ABCC1: variants seen among roughly 807,000 people sequenced by gnomAD.
ABCC1 encodes ATP binding cassette subfamily C member 1 (ABCC1 blood group), also known as multidrug resistance-associated protein 1.
ABCC1 carries 83 observed loss-of-function variants against 172.9 expected under a neutral mutation model. That is an observed-to-expected ratio of 0.48 (90% CI 0.40 to 0.58). The LOEUF (loss-of-function observed/expected upper bound fraction) is 0.58. Ranked by LOEUF, ABCC1 falls within the 20% of genes least tolerant of loss-of-function variation. The pLI is 0.00. For missense variants in ABCC1, 1,817 were observed against 2,002.7 expected (o/e 0.91, Z 1.77); for synonymous variants, 937 against 825.2 (o/e 1.14, Z -2.32).
chr16:16,118,333 C>G (rs1043483545), intron 23 of ABCC1, among the ~76,000 whole-genome samples: 10 of 151,692 alleles, frequency 6.6e-5, no homozygotes, highest in African/African-American at 2.4e-4. Context: ...ACACTGTGGC[C>G]CAATGATTGA....
intron 1 of ABCC1, among the ~76,000 whole-genome samples, chr16:15,967,419 T>C (rs1182838776): frequency 6.6e-6 from 1 of 151,852 alleles, no homozygotes; most frequent in Admixed American, 6.6e-5. Context: ...TGTGGGGAGA[T>C]TCATTCTGCA....
At chr16:16,136,774 C>A in intron 29 of ABCC1, 130 bp downstream of exon 29, 1 of 1,052,528 alleles carries the variant, frequency 9.5e-7, no homozygotes, top group Non-Finnish European at 1.3e-6. Flanking sequence ...GTCCCTTCAC[C>A]TCTTGGAGCC....
At chr16:16,004,175 G>A (rs12922588) in intron 1 of ABCC1, among the ~76,000 whole-genome samples, 75,520 of 151,876 alleles carry the variant, frequency 0.5, 19,657 homozygotes, top group Non-Finnish European at 0.59. Flanking sequence ...TGGCTGTAGC[G>A]GGGAGGACTC....
At chr16:16,036,409 C>T in intron 6 of ABCC1, 63 bp from the exon 7 acceptor site, 4 of 1,525,974 alleles carry the variant, frequency 2.6e-6, no homozygotes, top group South Asian at 2.4e-5. Flanking sequence ...TGAGTGAGCC[C>T]CGTCCTCCCC....
chr16:16,073,307 A>T (rs188989242), intron 14 of ABCC1, among the ~76,000 whole-genome samples: 236 of 152,302 alleles, frequency 1.5e-3, no homozygotes, highest in African/African-American at 5.2e-3. Flanking sequence ...GGTAGAGTCC[A>T]TGCTCTTCCT....
rs180802485 is a variant in ABCC1 at position 16,127,584 on chromosome 16, C to T, written c.3819+1673C>T. ...AAAGCTGAAGTTACTTGCCCAAGAT[C>T]ACATGGCTGGTAAATGGCAGACCTA... is the stretch of plus-strand genomic sequence containing the variant. On this transcript the variant is annotated intron_variant, in intron 26 of 30. Coordinates refer to ENST00000399410, the MANE Select transcript of ABCC1 (RefSeq NM_004996.4). Among the ~76,000 whole-genome samples, 7 of 152,326 alleles carry T rather than the reference C, an allele frequency of 4.6e-5. No homozygotes were observed. The East Asian group carries it at 1.4e-3, about 29-fold the overall frequency.
In ABCC1 at chr16:16,012,616, T is replaced by C. The variant is rs190937217; in HGVS notation, c.352-1875T>C. Among the ~76,000 whole-genome samples the C allele has an allele frequency of 6.0e-3, 905 of 151,724 alleles. 10 individuals carry two copies. The highest frequency in any genetic ancestry group is 0.021 in the African/African-American group (866 of 41,360). ...TCCTAAAGTGGTGGGATTACAGGCA[T>C]GAGCCACCATACGTGGTCAGCTGTT... On this transcript the variant is annotated intron_variant, in intron 3 of 30. Transcript: ENST00000399410.
intron 1 of ABCC1, among the ~76,000 whole-genome samples, chr16:15,950,760 TCTC>T (rs910507717): frequency 2.6e-5 from 4 of 152,170 alleles, no homozygotes; most frequent in African/African-American, 7.2e-5. Context: ...ACTGTTTCTC[TCTC>T]CTCTTTTGTT....
In ABCC1 at chr16:15,949,783, G is replaced by A; in HGVS notation, c.32G>A (p.Gly11Asp). ...CTCCGGGGCTTCTGCAGCGCCGATG[G>A]CTCCGACCCGCTCTGGGTACGTGCC... MALRGFCSAD[G>D]SDPLWDWNVT... The change falls in exon 1 of 31, where the codon GGC becomes GAC. Residue 11 changes from glycine to aspartate, a missense_variant. Around this residue, in one of 3 missense-constraint regions of ABCC1, gnomAD observed 398 missense variants for 384.2 expected, o/e 1.04. Coordinates refer to ENST00000399410, the MANE Select transcript of ABCC1 (RefSeq NM_004996.4). 8.4e-7 allele frequency: 1 copy of A among 1,195,240 alleles called. No homozygotes were observed. The highest frequency in any genetic ancestry group is 1.0e-6 in the Non-Finnish European group (1 of 964,498). The allele number at this position is 1,195,240 out of a possible 1,614,324, so 74.0% of individuals were successfully genotyped here.
At chr16:16,016,707 T>C in intron 5 of ABCC1, 86 bp downstream of exon 5, 3 of 1,543,188 alleles carry the variant, frequency 1.9e-6, no homozygotes, top group Non-Finnish European at 2.6e-6. Context: ...CTTAGATCCA[T>C]CCAGGATCTC....
At chr16:16,034,082 C>T (rs1417104833) in intron 6 of ABCC1, among the ~76,000 whole-genome samples, 3 of 120,362 alleles carry the variant, frequency 2.5e-5, no homozygotes, top group Non-Finnish European at 3.2e-5. Flanking sequence ...GGCTGGAGTG[C>T]AGCGGCACAC....
At chr16:16,099,355 G>C (rs542427264) in intron 19 of ABCC1, among the ~76,000 whole-genome samples, 18 of 152,328 alleles carry the variant, frequency 1.2e-4, no homozygotes, top group African/African-American at 4.3e-4. Flanking sequence ...AGCAGGTGGT[G>C]GTGGGGACCC....
At chr16:16,076,589 GAC>G (rs1318954778) in intron 15 of ABCC1, among the ~76,000 whole-genome samples, 188 bp downstream of exon 15, 1 of 152,216 alleles carries the variant, frequency 6.6e-6, no homozygotes, top group Non-Finnish European at 1.5e-5. Context: ...GTGAGAAGCA[GAC>G]ACACATGCCT....
At chr16:16,098,831 G>C (rs776959595) in intron 19 of ABCC1, 12 of 1,350,980 alleles carry the variant, frequency 8.9e-6, no homozygotes, top group Non-Finnish European at 8.8e-6. Context: ...CGGGAGTTTC[G>C]CTTTGCTTCT....
At chr16:16,093,566 T>A (rs1430457006) in intron 19 of ABCC1, among the ~76,000 whole-genome samples, 1 of 152,120 alleles carries the variant, frequency 6.6e-6, no homozygotes, top group African/African-American at 2.4e-5. Context: ...GCCTTTGAGG[T>A]TACATAGAAG....
chr16:16,013,209 T>A (rs2151749559), intron 3 of ABCC1, among the ~76,000 whole-genome samples: 1 of 152,084 alleles, frequency 6.6e-6, no homozygotes, highest in Non-Finnish European at 1.5e-5. Context: ...ATTCTGACTA[T>A]ATCCCAGGGA....
rs199675896 is a variant in ABCC1 at position 16,141,209 on chromosome 16, C to T, written c.4524C>T (p.Tyr1508=). The change falls in exon 31 of 31, where the codon TAC becomes TAT. Residue 1508 remains tyrosine, a synonymous_variant. Transcript: ENST00000399410. ...IVLDKGEIQE[Y]GAPSDLLQQR... is the part of the protein sequence containing the mutation. ...TGGACAAAGGAGAAATCCAGGAGTACGGCGCCCCATCGGACCTCCTGCAGC... is the reference window on the plus strand; with the variant it reads ...TGGACAAAGGAGAAATCCAGGAGTATGGCGCCCCATCGGACCTCCTGCAGC... 336 of 1,613,956 alleles carry T rather than the reference C, an allele frequency of 2.1e-4. 2 individuals are homozygous for T. The East Asian group carries it at 5.1e-3, about 25-fold the overall frequency.
At chr16:16,067,250 C>T (rs1261772436) in intron 12 of ABCC1, among the ~76,000 whole-genome samples, 2 of 152,128 alleles carry the variant, frequency 1.3e-5, no homozygotes, top group African/African-American at 2.4e-5. Flanking sequence ...TTTCGAGCAC[C>T]TTGCCTCCCT....
rs537652846 is a variant in ABCC1, at chr16:15,955,981, C to T, written c.48+6182C>T. Among the ~76,000 whole-genome samples the T allele has an allele frequency of 3.4e-4, 52 of 152,256 alleles. No individual in the cohort carries two copies. The South Asian group carries it at 7.7e-3, about 22-fold the overall frequency. ...GAAAATTTAGGATGCAGCGCGGTGG[C>T]TTACACCTGTAATCTCAGCACTTTG... On this transcript the variant is annotated intron_variant, in intron 1 of 30. Transcript: ENST00000399410.
Sources: gnomAD v4.1 joint callset for allele counts (sites outside exome capture counted in the v4.1 genomes callset) on GRCh38, gnomAD v4.1.1 for gene constraint, gnomAD v4.1.1 regional missense constraint, MANE v1.5 for transcripts, NCBI Gene and HGNC (gene_info 2026-07-23, HGNC 2026-07-21) for gene names.